Variants in NLGN1 observed in about 807,000 individuals in gnomAD.
The protein encoded by NLGN1 is neuroligin 1.
NLGN1 carries 12 observed loss-of-function variants against 65.5 expected under a neutral mutation model. The observed-to-expected ratio is 0.18, with a 90% confidence interval of 0.12 to 0.30. NLGN1 has a LOEUF of 0.30. NLGN1 is among the 10% of genes least tolerant of loss of function. The pLI is 1.00. For synonymous variants in NLGN1, 350 were observed against 359.5 expected (o/e 0.97, Z 0.30); for missense variants, 750 against 1,007.1 (o/e 0.74, Z 3.46).
intron 4 of NLGN1, among the ~76,000 whole-genome samples, chr3:173,824,468 A>G (rs1403464674): frequency 6.6e-6 from 1 of 152,102 alleles, no homozygotes; most frequent in African/African-American, 2.4e-5. Flanking sequence ...GTTTTTAAAA[A>G]ATTAAATAAA....
At chr3:173,870,316 A>T in intron 4 of NLGN1, among the ~76,000 whole-genome samples, 1 of 152,346 alleles carries the variant, frequency 6.6e-6, no homozygotes, top group East Asian at 1.9e-4. Context: ...ATTCAGAGCT[A>T]TATCTTCACA....
At chr3:173,734,379 C>CAATTTTTTTT (rs1560261820) in intron 3 of NLGN1, among the ~76,000 whole-genome samples, 50 of 59,054 alleles carry the variant, frequency 8.5e-4, no homozygotes, top group African/African-American at 3.1e-3. Flanking sequence ...GTGGATAATT[C>CAATTTTTTTT]TATTTTTTTT....
intron 4 of NLGN1, among the ~76,000 whole-genome samples, chr3:174,272,599 G>A (rs960211420): frequency 7.3e-5 from 11 of 151,178 alleles, no homozygotes; most frequent in African/African-American, 1.9e-4. Flanking sequence ...AAAACCCAGC[G>A]TCGTCCTCTA....
intron 1 of NLGN1, among the ~76,000 whole-genome samples, chr3:173,428,609 C>A (rs1373241666): frequency 6.6e-6 from 1 of 151,916 alleles, no homozygotes; most frequent in Non-Finnish European, 1.5e-5. Context: ...ATATTCCTAT[C>A]TCTTAAGAAA....
chr3:174,134,601 G>A lies in NLGN1; in HGVS notation c.647-140714G>A, dbSNP rs115124329. Among the ~76,000 whole-genome samples the A allele has an allele frequency of 5.4e-3, 820 of 152,142 alleles. 22 individuals carry two copies. Among genetic ancestry groups the A allele is most frequent in the East Asian group, 0.016 (83 of 5,166 alleles). On this transcript the variant is annotated intron_variant, in intron 4 of 6. Transcript: ENST00000457714. ...GCCCAAAATGACATTACATGAAGAGGCTGAAGCATGTGAAGTAGTGAGAGA... is the reference window on the plus strand; with the variant it reads ...GCCCAAAATGACATTACATGAAGAGACTGAAGCATGTGAAGTAGTGAGAGA...
chr3:174,065,821 A>T (rs757739171), intron 4 of NLGN1, among the ~76,000 whole-genome samples: 2 of 151,998 alleles, frequency 1.3e-5, no homozygotes, highest in Admixed American at 1.3e-4. Context: ...AACCTTCCCT[A>T]TGGAGAGGCC....
intron 4 of NLGN1, among the ~76,000 whole-genome samples, chr3:174,021,522 A>C (rs1213605645): frequency 6.6e-6 from 1 of 152,166 alleles, no homozygotes; most frequent in Admixed American, 6.6e-5. Context: ...CCTCCCAAAT[A>C]TATGTTTTTA....
At chr3:173,703,755 T>C (rs1767611121) in intron 3 of NLGN1, among the ~76,000 whole-genome samples, 2 of 152,242 alleles carry the variant, frequency 1.3e-5, no homozygotes, top group Admixed American at 1.3e-4. Context: ...TCTTTCAACA[T>C]AATTAGCACA....
chr3:173,577,097 C>T (rs1301007538), intron 2 of NLGN1, among the ~76,000 whole-genome samples: 1 of 152,096 alleles, frequency 6.6e-6, no homozygotes, highest in Non-Finnish European at 1.5e-5. Flanking sequence ...TTTAAAACTG[C>T]AGTTCTTTGG....
chr3:173,796,247 T>G (rs1578474677), intron 3 of NLGN1, among the ~76,000 whole-genome samples: 1 of 152,238 alleles, frequency 6.6e-6, no homozygotes, highest in East Asian at 1.9e-4. Flanking sequence ...AGCATTAATA[T>G]GGGTGGATAG....
At chr3:173,739,206 A>C (rs1578201315) in intron 3 of NLGN1, among the ~76,000 whole-genome samples, 1 of 152,208 alleles carries the variant, frequency 6.6e-6, no homozygotes, top group Admixed American at 6.6e-5. Context: ...AAGTGGTCAA[A>C]TATTCCGCTC....
intron 1 of NLGN1, among the ~76,000 whole-genome samples, chr3:173,408,271 G>C (rs553048554): frequency 6.6e-6 from 1 of 152,242 alleles, no homozygotes; most frequent in East Asian, 1.9e-4. Flanking sequence ...TTTGATGATT[G>C]CAAGACAGAA....
chr3:173,484,622 G>A (rs934409322), intron 2 of NLGN1, among the ~76,000 whole-genome samples: 4 of 152,092 alleles, frequency 2.6e-5, no homozygotes, highest in African/African-American at 9.7e-5. Flanking sequence ...AAAGGAGAAT[G>A]AAGATGGAAC....
chr3:173,407,361 A>G (rs1293759455), intron 1 of NLGN1, among the ~76,000 whole-genome samples: 2 of 152,232 alleles, frequency 1.3e-5, no homozygotes, highest in Non-Finnish European at 2.9e-5. Flanking sequence ...ACATGTGACA[A>G]AACTGAAGTC....
At chr3:174,102,265 G>C (rs894863135) in intron 4 of NLGN1, among the ~76,000 whole-genome samples, 2 of 151,966 alleles carry the variant, frequency 1.3e-5, no homozygotes, top group East Asian at 1.9e-4. Context: ...TCACACATGG[G>C]GGGGTATAAG....
At chr3:173,944,874 T>C (rs888597253) in intron 4 of NLGN1, among the ~76,000 whole-genome samples, 2 of 152,142 alleles carry the variant, frequency 1.3e-5, no homozygotes, top group African/African-American at 4.8e-5. Context: ...TTTGTATAAA[T>C]GGATGTGTAA....
At chr3:174,029,655 G>A (rs1729539130) in intron 4 of NLGN1, among the ~76,000 whole-genome samples, 1 of 152,160 alleles carries the variant, frequency 6.6e-6, no homozygotes, top group Non-Finnish European at 1.5e-5. Flanking sequence ...GAATGATATG[G>A]TTTGGCTCTG....
At chr3:173,700,300 A>G (rs982067818) in intron 3 of NLGN1, among the ~76,000 whole-genome samples, 6 of 152,212 alleles carry the variant, frequency 3.9e-5, no homozygotes, top group African/African-American at 1.2e-4. Context: ...TTTGAAAGCA[A>G]TCAAAAGAGC....
At chr3:173,837,408 G>A (rs1265161711) in intron 4 of NLGN1, among the ~76,000 whole-genome samples, 1 of 152,080 alleles carries the variant, frequency 6.6e-6, no homozygotes, top group South Asian at 2.1e-4. Flanking sequence ...TATGCTTTGG[G>A]ACAGTAAACA....
Sources: allele counts gnomAD v4.1 joint callset (sites outside exome capture counted in the v4.1 genomes callset), GRCh38; gene constraint gnomAD v4.1.1; transcripts MANE v1.5; gene names NCBI Gene and HGNC (gene_info 2026-07-23, HGNC 2026-07-21).